RBFOX2: variants seen among roughly 807,000 people sequenced by gnomAD.
RBFOX2 encodes the protein RNA binding protein fox-1 homolog 2.
A neutral mutation model predicts 49.1 loss-of-function variants in RBFOX2; 10 were observed. The ratio of observed to expected loss-of-function variants is 0.20; its 90% CI spans 0.13 to 0.35. RBFOX2 has a LOEUF of 0.35. Ranked by LOEUF, RBFOX2 falls within the 10% of genes least tolerant of loss-of-function variation. The pLI, the probability that RBFOX2 is intolerant of heterozygous loss-of-function variation, is 1.00. For missense variants in RBFOX2, 323 were observed against 486.9 expected (o/e 0.66, Z 3.17); for synonymous variants, 183 against 187.4 (o/e 0.98, Z 0.19).
In RBFOX2 at chr22:35,922,023, A is replaced by G. The variant is rs578213552; in HGVS notation, c.-34+16824T>C. 5.3e-5 allele frequency among the ~76,000 whole-genome samples: 8 copies of G among 152,150 alleles called. No individual in the cohort carries two copies. In the South Asian group the frequency reaches 1.0e-3, roughly 20 times the overall value. ...GGTTTCCAGTTAGAAAATTTTCCTA[A>G]GCCCATATGTAGGCAAGACAGACCT... On this transcript the variant is annotated intron_variant, in intron 1 of 13. Coordinates refer to the RBFOX2 transcript ENST00000359369.
chr22:35,801,445 ACACTCTCTCTCT>A (rs1292483701), intron 2 of RBFOX2, among the ~76,000 whole-genome samples: 1 of 151,190 alleles, frequency 6.6e-6, no homozygotes, highest in Non-Finnish European at 1.5e-5. Flanking sequence ...ACACACACAC[ACACTCTCTCTCT>A]CTCTCTCTCT....
intron 1 of RBFOX2, chr22:35,997,583 C>T (rs2058243562): frequency 6.6e-6 from 1 of 152,182 alleles, no homozygotes; most frequent in African/African-American, 2.4e-5. Flanking sequence ...CCAAAGAGAG[C>T]CACAGGAGAT....
chr22:35,816,941 C>G (rs895955383), intron 1 of RBFOX2, among the ~76,000 whole-genome samples: 2 of 152,072 alleles, frequency 1.3e-5, no homozygotes, highest in African/African-American at 4.8e-5. Context: ...CGTATAACAC[C>G]CATTCAGGGA....
chr22:35,985,511 C>CA (rs778890323), intron 1 of RBFOX2, among the ~76,000 whole-genome samples: 4 of 152,098 alleles, frequency 2.6e-5, no homozygotes, highest in Admixed American at 1.3e-4. Flanking sequence ...CCCGTGCTGC[C>CA]AAGTGAAGCC....
At chr22:35,770,787 T>A (rs1361506851) in intron 4 of RBFOX2, among the ~76,000 whole-genome samples, 1 of 152,150 alleles carries the variant, frequency 6.6e-6, no homozygotes, top group Admixed American at 6.5e-5. Flanking sequence ...AATGTCAAAG[T>A]TTAACATTCA....
intron 1 of RBFOX2, among the ~76,000 whole-genome samples, chr22:35,890,091 T>G (rs1377279596): frequency 6.6e-6 from 1 of 152,208 alleles, no homozygotes; most frequent in Non-Finnish European, 1.5e-5. Context: ...ATTTCTAAAA[T>G]GACTGATATG....
At chr22:35,864,738 T>C (rs1251924986) in intron 1 of RBFOX2, among the ~76,000 whole-genome samples, 2 of 152,232 alleles carry the variant, frequency 1.3e-5, no homozygotes, top group African/African-American at 4.8e-5. Flanking sequence ...GTATTTTCTT[T>C]TCCTAATGCA....
At chr22:35,990,360 G>GA in intron 1 of RBFOX2, among the ~76,000 whole-genome samples, 1 of 152,242 alleles carries the variant, frequency 6.6e-6, no homozygotes, top group South Asian at 2.1e-4. Context: ...TTAAGAGAAG[G>GA]ACGACAAAGT....
intron 1 of RBFOX2, among the ~76,000 whole-genome samples, chr22:35,933,929 T>TAC (rs1298316385): frequency 0.011 from 1,192 of 111,554 alleles, 20 homozygotes; most frequent in African/African-American, 0.043. Flanking sequence ...TTAAATGTTA[T>TAC]ATATATATAT....
At chr22:35,851,951 A>AT (rs2148984982) in intron 1 of RBFOX2, among the ~76,000 whole-genome samples, 1 of 152,212 alleles carries the variant, frequency 6.6e-6, no homozygotes, top group African/African-American at 2.4e-5. Context: ...AACATTTCAG[A>AT]TGTGCTTTGC....
chr22:35,849,423 CTT>C (rs2041644026), intron 1 of RBFOX2, among the ~76,000 whole-genome samples: 1 of 152,080 alleles, frequency 6.6e-6, no homozygotes, highest in Non-Finnish European at 1.5e-5. Context: ...ATTAAATCCT[CTT>C]ATTACAGTAA....
chr22:35,887,953 C>T (rs893094980), intron 1 of RBFOX2, among the ~76,000 whole-genome samples: 18 of 152,144 alleles, frequency 1.2e-4, no homozygotes, highest in Admixed American at 2.6e-4. Flanking sequence ...CTATAGTTTA[C>T]AGGCTGATGT....
At chr22:35,853,292 TAAA>T (rs11289647) in intron 1 of RBFOX2, among the ~76,000 whole-genome samples, 9 of 129,796 alleles carry the variant, frequency 6.9e-5, no homozygotes, top group Admixed American at 1.6e-4. Context: ...AGCCTCTGTC[TAAA>T]AAAAAAAAAA....
chr22:35,889,746 T>C (rs2047024538), intron 1 of RBFOX2, among the ~76,000 whole-genome samples: 1 of 152,204 alleles, frequency 6.6e-6, no homozygotes, highest in Non-Finnish European at 1.5e-5. Context: ...AGCCATTGTC[T>C]ACATTTTGTG....
intron 1 of RBFOX2, among the ~76,000 whole-genome samples, chr22:35,893,693 G>T (rs2047515636): frequency 6.6e-6 from 1 of 152,188 alleles, no homozygotes; most frequent in Non-Finnish European, 1.5e-5. Context: ...GAAGGGAGAA[G>T]CACGAAAAGC....
chr22:36,028,792 A>T (rs1354223786), exon 1 of RBFOX2, among the ~76,000 whole-genome samples: 1 of 151,588 alleles, frequency 6.6e-6, no homozygotes, highest in Non-Finnish European at 1.5e-5. Flanking sequence ...TCTCCCTCAC[A>T]GCACGCCGGC....
At chr22:35,817,408 C>CA (rs1309204344) in intron 1 of RBFOX2, among the ~76,000 whole-genome samples, 1 of 151,946 alleles carries the variant, frequency 6.6e-6, no homozygotes, top group Admixed American at 6.6e-5. Context: ...ACATCGGAGG[C>CA]AGAGGTTGCA....
intron 1 of RBFOX2, among the ~76,000 whole-genome samples, chr22:35,853,495 A>C (rs2042170795): frequency 6.6e-6 from 1 of 152,134 alleles, no homozygotes; most frequent in South Asian, 2.1e-4. Context: ...TTATTGTGTA[A>C]TTAGTTAAGC....
At chr22:35,943,023 T>C (rs1452878859), upstream of RBFOX2, among the ~76,000 whole-genome samples, 2 of 151,870 alleles carry the variant, frequency 1.3e-5, no homozygotes, top group East Asian at 1.9e-4. Flanking sequence ...TTTCAGACAC[T>C]TTAAGTGATT....
Sources: allele counts gnomAD v4.1 joint callset (sites outside exome capture counted in the v4.1 genomes callset), GRCh38; gene constraint gnomAD v4.1.1; transcripts MANE v1.5; gene names NCBI Gene and HGNC (gene_info 2026-07-23, HGNC 2026-07-21).